The following POU2F2 variants were observed in gnomAD, a reference collection of about 807,000 sequenced individuals.
POU2F2 encodes POU domain, class 2, transcription factor 2.
In POU2F2, 14 loss-of-function variants were observed where a neutral mutation model predicts 63.5. That is an observed-to-expected ratio of 0.22 (90% CI 0.15 to 0.34). The LOEUF is 0.34. Ranked by LOEUF, POU2F2 falls within the 10% of genes least tolerant of loss-of-function variation. POU2F2 has a pLI of 1.00. For missense variants in POU2F2, 607 were observed against 815.2 expected, an observed-to-expected ratio of 0.74 and a Z score of 3.11; for synonymous variants, 306 against 348.6, an observed-to-expected ratio of 0.88 and a Z score of 1.36.
chr19:42,148,053 A>T (rs1465427692), intron 2 of POU2F2, among the ~76,000 whole-genome samples: 1 of 152,024 alleles, frequency 6.6e-6, no homozygotes, highest in East Asian at 1.9e-4. Flanking sequence ...CAGGAGAAGC[A>T]TCCCCTGATC....
At position 42,153,828 on chromosome 19, in the gene POU2F2, G is replaced by A. The variant is rs921366875; in HGVS notation, c.-9+6504C>T. Among the ~76,000 whole-genome samples the A allele has an allele frequency of 7.9e-5, 12 of 152,118 alleles. No individual in the cohort carries two copies. The highest frequency in any genetic ancestry group is 7.9e-4 in the Admixed American group (12 of 15,278). On this transcript the variant is annotated intron_variant, in intron 2 of 6. Transcript: ENST00000524801. The surrounding 1 kb of genome is among the most constrained non-coding windows in gnomAD (Gnocchi z 5.6). ...CCTGAGTCTCTGAGTGGGGGAGGGTGGCGAGGCAGCAGGGGCTGCCACGGA... is the reference window on the plus strand; with the variant it reads ...CCTGAGTCTCTGAGTGGGGGAGGGTAGCGAGGCAGCAGGGGCTGCCACGGA...
intron 1 of POU2F2, among the ~76,000 whole-genome samples, chr19:42,194,293 G>T (rs900083862): frequency 3.3e-5 from 5 of 152,184 alleles, no homozygotes; most frequent in African/African-American, 9.7e-5. Flanking sequence ...GGCTGAGGTG[G>T]ATTGCTTGAG....
At chr19:42,134,563 GA>G (rs1281381291), upstream of POU2F2, 2 of 152,600 alleles carry the variant, frequency 1.3e-5, no homozygotes, top group Non-Finnish European at 2.9e-5. Context: ...CTGGCAGCTG[GA>G]ACAGGGAGGC....
intron 1 of POU2F2, among the ~76,000 whole-genome samples, chr19:42,161,705 T>TC (rs987919031): frequency 6.6e-6 from 1 of 152,030 alleles, no homozygotes; most frequent in Non-Finnish European, 1.5e-5. Context: ...GCCAAGGGTC[T>TC]CCCCACTTCC....
intron 2 of POU2F2, among the ~76,000 whole-genome samples, chr19:42,144,486 C>A (rs181249565): frequency 3.3e-5 from 5 of 152,242 alleles, no homozygotes; most frequent in African/African-American, 1.2e-4. Flanking sequence ...CTCTTCCACA[C>A]GATTCAGTTC....
At chr19:42,175,163 G>A (rs985678707) in intron 1 of POU2F2, among the ~76,000 whole-genome samples, 4 of 152,052 alleles carry the variant, frequency 2.6e-5, no homozygotes, top group Non-Finnish European at 5.9e-5. Context: ...CCCCCTCCCA[G>A]AGCCCCAGTG....
intron 5 of POU2F2, among the ~76,000 whole-genome samples, chr19:42,114,311 T>C (rs1218474067): frequency 6.6e-6 from 1 of 152,118 alleles, no homozygotes; most frequent in African/African-American, 2.4e-5. Context: ...TCAACTGATA[T>C]TTCCTCGAGC....
intron 12 of POU2F2, among the ~76,000 whole-genome samples, chr19:42,093,010 T>TATATATATATATATA: frequency 2.0e-5 from 1 of 51,024 alleles, no homozygotes; most frequent in African/African-American, 5.7e-5. Flanking sequence ...TATATATATA[T>TATATATATATATATA]TTTTTTTTTT....
intron 1 of POU2F2, among the ~76,000 whole-genome samples, chr19:42,175,061 C>T (rs903809804): frequency 3.9e-5 from 6 of 152,130 alleles, no homozygotes; most frequent in African/African-American, 1.4e-4. Flanking sequence ...TTTCACTTCC[C>T]GCTAGGCATC....
chr19:42,145,653 G>C (rs1347183864), intron 2 of POU2F2, among the ~76,000 whole-genome samples: 2 of 152,216 alleles, frequency 1.3e-5, no homozygotes, highest in Non-Finnish European at 2.9e-5. Context: ...TTCTGCTTTA[G>C]GCTGGGTGCA....
chr19:42,099,631 G>C lies in POU2F2; in HGVS notation c.476-13C>G, dbSNP rs766609721. The C allele has an allele frequency of 5.0e-6, 8 of 1,610,852 alleles. No homozygotes were observed. In the South Asian group the frequency reaches 8.8e-5, roughly 18 times the overall value. ...GTCGGTAGCAGGCCTGGAAAGACAA[G>C]GGGAAATACACAGGGTGAGGGGGAG... On this transcript the variant is annotated splice_polypyrimidine_tract_variant and intron_variant, in intron 6 of 14. Transcript: ENST00000692977.
chr19:42,124,968 T>C (rs2033055695), intron 1 of POU2F2, among the ~76,000 whole-genome samples: 1 of 152,168 alleles, frequency 6.6e-6, no homozygotes, highest in African/African-American at 2.4e-5. Flanking sequence ...TGTTTGGTGG[T>C]TACAGGGTCC....
At chr19:42,151,730 C>T (rs1184334501) in intron 2 of POU2F2, among the ~76,000 whole-genome samples, 1 of 152,170 alleles carries the variant, frequency 6.6e-6, no homozygotes, top group African/African-American at 2.4e-5. Context: ...AGACATCTTC[C>T]TCTCCTGCCC....
chr19:42,161,687 T>C (rs568238818), intron 1 of POU2F2, among the ~76,000 whole-genome samples: 1 of 147,798 alleles, frequency 6.8e-6, no homozygotes, highest in Admixed American at 6.7e-5. Flanking sequence ...AAAAGGGGGG[T>C]AAAAAGGGCC....
chr19:42,113,666 G>GAGCC (rs1343498983), intron 5 of POU2F2, among the ~76,000 whole-genome samples: 1 of 152,230 alleles, frequency 6.6e-6, no homozygotes, highest in Non-Finnish European at 1.5e-5. Context: ...GCAGGACGGG[G>GAGCC]AGCCCCTCAG....
chr19:42,119,262 G>A (rs1372953674), intron 4 of POU2F2, among the ~76,000 whole-genome samples: 2 of 152,210 alleles, frequency 1.3e-5, no homozygotes, highest in Non-Finnish European at 2.9e-5. Context: ...GGCTGGTCGT[G>A]CTCTGCTTCT....
At chr19:42,109,322 T>C (rs771710720) in intron 5 of POU2F2, among the ~76,000 whole-genome samples, 17 of 152,206 alleles carry the variant, frequency 1.1e-4, no homozygotes, top group Middle Eastern at 3.2e-3. Flanking sequence ...ATGACTGGAA[T>C]GGTGTTGGCG....
intron 5 of POU2F2, chr19:42,116,846 A>C: frequency 2.4e-6 from 1 of 409,996 alleles, no homozygotes; most frequent in East Asian, 7.3e-5. Context: ...GCAGAGGAGG[A>C]GGAGGAGGAG....
chr19:42,154,219 G>A (rs1167257676), intron 2 of POU2F2, among the ~76,000 whole-genome samples: 2 of 151,982 alleles, frequency 1.3e-5, no homozygotes, highest in South Asian at 2.1e-4. Flanking sequence ...GAGGGGGAGC[G>A]AGAGAGACAC....
Sources: allele counts gnomAD v4.1 joint callset (sites outside exome capture counted in the v4.1 genomes callset), GRCh38; gene constraint gnomAD v4.1.1; non-coding constraint Gnocchi (gnomAD v3.1); transcripts MANE v1.5; gene names NCBI Gene and HGNC (gene_info 2026-07-23, HGNC 2026-07-21).